The following LRRK2 variants were observed in gnomAD, a reference collection of about 807,000 sequenced individuals.
LRRK2 encodes leucine-rich repeat serine/threonine-protein kinase 2.
Under a neutral mutation model 302.6 loss-of-function variants are expected in LRRK2, and 203 were observed. That is an observed-to-expected ratio of 0.67 (90% CI 0.60 to 0.75). LRRK2 has a LOEUF of 0.75. Ranked by LOEUF, LRRK2 falls within the 30% of genes least tolerant of loss-of-function variation. The pLI is 0.00. For synonymous variants in LRRK2, 1,066 were observed against 1,031.9 expected (o/e 1.03, Z -0.63); for missense variants, 2,830 against 2,951.0 (o/e 0.96, Z 0.95).
chr12:40,261,087 T>C lies in LRRK2; in HGVS notation c.1543+1483T>C, dbSNP rs541006536. ...GGCTATTCAATCAGTATTTTAAAAA[T>C]TGAATCATGGTGTCCTATTCATAGT... On this transcript the variant is annotated intron_variant, in intron 13 of 50. Coordinates refer to ENST00000298910, the MANE Select transcript of LRRK2 (RefSeq NM_198578.4). Among the ~76,000 whole-genome samples, 7 of 152,326 alleles carry C rather than the reference T, an allele frequency of 4.6e-5. No homozygotes were observed. The South Asian group carries it at 1.4e-3, about 32-fold the overall frequency.
At chr12:40,338,933 T>G (rs1302724744) in intron 40 of LRRK2, among the ~76,000 whole-genome samples, 1 of 152,232 alleles carries the variant, frequency 6.6e-6, no homozygotes, top group Admixed American at 6.5e-5. Flanking sequence ...CATTACTTAC[T>G]GTGAAGGTCA....
intron 7 of LRRK2, 129 bp from the exon 8 acceptor site, chr12:40,249,697 A>G: frequency 9.6e-7 from 1 of 1,045,608 alleles, no homozygotes; most frequent in Non-Finnish European, 1.4e-6. Context: ...TATTTTAATT[A>G]AAGTAAATGT....
rs775773665 is a variant in LRRK2, at chr12:40,240,627, A to C, written c.706+10A>C. 30 of 1,611,432 alleles carry C rather than the reference A, an allele frequency of 1.9e-5. No homozygotes were observed. The highest frequency in any genetic ancestry group is 2.2e-5 in the South Asian group (2 of 90,928). On this transcript the variant is annotated intron_variant, in intron 6 of 50. Transcript: ENST00000298910. The stretch of plus-strand genomic sequence containing the variant: ...TCCCTAGCGATTCCTTGTAAGTAGC[A>C]TTTAAATGTTATTTATTTTTTGTAT...
In LRRK2 at chr12:40,277,924, G is replaced by A; in HGVS notation, c.1978G>A (p.Ala660Thr). 2 of 1,611,734 alleles carry A rather than the reference G, an allele frequency of 1.2e-6. No individual in the cohort carries two copies. Among genetic ancestry groups the A allele is most frequent in the African/African-American group, 1.3e-5 (1 of 74,938 alleles). ...AATCTTAGCAATCCTCAAATTGTCA[G>A]CATCTTTTTCTAAGCTGCTGGTGCA... is the stretch of plus-strand genomic sequence containing the variant. Reference protein sequence around the residue: ...QTILAILKLSASFSKLLVHHS... With the variant: ...QTILAILKLSTSFSKLLVHHS... Residue 660 changes from alanine to threonine, a missense_variant, in exon 17 of 51, where the codon GCA becomes ACA. This residue lies in a region of LRRK2 where 2,121 missense variants were observed against 2,148.0 expected (regional missense o/e 0.99). Coordinates refer to ENST00000298910, the MANE Select transcript of LRRK2 (RefSeq NM_198578.4).
At chr12:40,359,227 T>C (rs1325081209) in intron 46 of LRRK2, 33 bp from the exon 47 acceptor site, 1 of 1,562,766 alleles carries the variant, frequency 6.4e-7, no homozygotes, top group Admixed American at 1.8e-5. Flanking sequence ...ATACTCAATT[T>C]GCTGAGTGTG....
chr12:40,252,790 G>T, intron 10 of LRRK2, 120 bp from the exon 11 acceptor site: 1 of 695,168 alleles, frequency 1.4e-6, no homozygotes, highest in Non-Finnish European at 2.6e-6. Flanking sequence ...AAGTGGAGGT[G>T]GCATGAAATA....
intron 43 of LRRK2, among the ~76,000 whole-genome samples, chr12:40,350,348 A>G (rs186633326): frequency 6.6e-6 from 1 of 152,086 alleles, no homozygotes; most frequent in African/African-American, 2.4e-5. Flanking sequence ...GGGTCCACTG[A>G]CCTCTCTGGT....
intron 47 of LRRK2, among the ~76,000 whole-genome samples, chr12:40,361,461 G>A (rs978038963): frequency 1.3e-5 from 2 of 152,164 alleles, no homozygotes; most frequent in South Asian, 4.1e-4. Context: ...CAGAAAGTGG[G>A]CATAGTGCTT....
At chr12:40,325,568 G>A (rs1945524181) in intron 38 of LRRK2, among the ~76,000 whole-genome samples, 2 of 152,192 alleles carry the variant, frequency 1.3e-5, no homozygotes, top group African/African-American at 2.4e-5. Context: ...TCCCTCAGAT[G>A]TGACAATCAA....
At chr12:40,263,186 C>T (rs1258343348) in intron 13 of LRRK2, among the ~76,000 whole-genome samples, 1 of 152,108 alleles carries the variant, frequency 6.6e-6, no homozygotes, top group Non-Finnish European at 1.5e-5. Context: ...TTATATGTTA[C>T]ATTACCACAT....
chr12:40,225,371 C>T (rs1940814001), intron 1 of LRRK2, 89 bp downstream of exon 1: 3 of 1,483,212 alleles, frequency 2.0e-6, no homozygotes, highest in Non-Finnish European at 1.9e-6. Context: ...TCCCCTTGAC[C>T]CTGCTCAAAC....
chr12:40,240,677 T>A, intron 6 of LRRK2, 60 bp downstream of exon 6: 1 of 1,449,836 alleles, frequency 6.9e-7, no homozygotes, highest in Non-Finnish European at 9.6e-7. Context: ...TATATCTCAT[T>A]CTGAGTATAT....
At chr12:40,318,679 C>T (rs971124736) in intron 33 of LRRK2, among the ~76,000 whole-genome samples, 33 of 152,108 alleles carry the variant, frequency 2.2e-4, no homozygotes, top group African/African-American at 7.5e-4. Context: ...AATAAATAAA[C>T]ATATAATATG....
At chr12:40,315,062 G>T in intron 32 of LRRK2, 150 bp from the exon 33 acceptor site, 2 of 698,462 alleles carry the variant, frequency 2.9e-6, no homozygotes, top group East Asian at 2.7e-5. Flanking sequence ...TTAGACCATA[G>T]GATGCACAGC....
At chr12:40,250,796 A>G (rs1942230596) in intron 8 of LRRK2, among the ~76,000 whole-genome samples, 1 of 152,192 alleles carries the variant, frequency 6.6e-6, no homozygotes, top group Non-Finnish European at 1.5e-5. Flanking sequence ...TCTGAGGATA[A>G]TGGTTTCCAG....
rs1053364015 is a variant in LRRK2 at position 40,257,511 on chromosome 12, T to C, written c.1418+134T>C. 4.1e-6 allele frequency: 4 copies of C among 982,638 alleles called. No homozygotes were observed. In the African/African-American group the frequency reaches 4.9e-5, roughly 12 times the overall value. The allele number at this position is 982,638 out of a possible 1,614,324, so 60.9% of individuals were successfully genotyped here. On this transcript the variant is annotated intron_variant, in intron 12 of 50. Transcript: ENST00000298910. ...ACTTGAAAACTGAAGCATTTTGCAA[T>C]GTAATCTCGTGTCACTAGTACCATA...
chr12:40,260,335 A>T (rs1942714336), intron 13 of LRRK2, among the ~76,000 whole-genome samples: 1 of 151,918 alleles, frequency 6.6e-6, no homozygotes, highest in Non-Finnish European at 1.5e-5. Flanking sequence ...AAAGGCTTTG[A>T]GAATATCGAT....
chr12:40,343,262 T>TCAGG (rs1946103182), intron 41 of LRRK2, among the ~76,000 whole-genome samples: 1 of 151,952 alleles, frequency 6.6e-6, no homozygotes, highest in Non-Finnish European at 1.5e-5. Context: ...ATTAACTCAG[T>TCAGG]CAGATGGATA....
chr12:40,322,043 C>G lies in LRRK2; in HGVS notation c.5179C>G (p.Leu1727Val), dbSNP rs1422213974. 2 of 1,613,244 alleles carry G rather than the reference C, an allele frequency of 1.2e-6. No individual in the cohort carries two copies. Among genetic ancestry groups the G allele is most frequent in the Non-Finnish European group, 1.7e-6 (2 of 1,179,420 alleles). Residue 1727 changes from leucine (L) to valine (V), a missense_variant, in exon 36 of 51, where the codon CTT becomes GTT. Leu to Val is a conservative substitution (Grantham distance 32). Transcript: ENST00000298910. ...PYMLSGRERALRPNRMYWRQG... is the reference protein window; with the variant it reads ...PYMLSGRERAVRPNRMYWRQG... ...ATGGCTCCATTTTTTAGAACGAGCA[C>G]TTCGCCCAAACAGAATGTATTGGCG... is the stretch of plus-strand genomic sequence containing the variant.
Sources: allele counts gnomAD v4.1 joint callset (sites outside exome capture counted in the v4.1 genomes callset), GRCh38; gene constraint gnomAD v4.1.1; regional missense constraint gnomAD v4.1.1; transcripts MANE v1.5; gene names NCBI Gene and HGNC (gene_info 2026-07-23, HGNC 2026-07-21).